RICTOR: variants seen among roughly 807,000 people sequenced by gnomAD.
RICTOR encodes the protein rapamycin-insensitive companion of mTOR.
A neutral mutation model predicts 214.9 loss-of-function variants in RICTOR; 49 were observed. That is an observed-to-expected ratio of 0.23 (90% confidence interval 0.18 to 0.29). RICTOR has a LOEUF of 0.29. Among genes scored for constraint, RICTOR ranks in the 10% least tolerant of loss-of-function variants. The pLI is 1.00. For missense variants in RICTOR, 1,625 were observed against 2,047.0 expected (o/e 0.79, Z 3.98); for synonymous variants, 717 against 711.3 (o/e 1.01, Z -0.13).
chr5:38,965,546 A>G (rs931359189), intron 15 of RICTOR, among the ~76,000 whole-genome samples: 10 of 151,958 alleles, frequency 6.6e-5, no homozygotes, highest in African/African-American at 2.4e-4. Context: ...ATGTATAGAG[A>G]TTCCTTCATA....
chr5:38,960,405 G>A lies in RICTOR; in HGVS notation c.1844C>T (p.Ser615Phe). 1 of 1,613,422 alleles carries A rather than the reference G, an allele frequency of 6.2e-7. No individual in the cohort carries two copies. Among genetic ancestry groups the A allele is most frequent in the Non-Finnish European group, 8.5e-7 (1 of 1,179,644 alleles). ...AATATTCAGAATGCCCACCTCTTCAGATTCAAGAAGAAATTCTGTAAACTG... is the reference window on the plus strand; with the variant it reads ...AATATTCAGAATGCCCACCTCTTCAAATTCAAGAAGAAATTCTGTAAACTG... ...GCQFTEFLLE[S>F]EEDGQGYLED... Residue 615 changes from serine (S) to phenylalanine (F), a missense_variant, in exon 20 of 38, where the codon TCT becomes TTT. Ser to Phe is a radical substitution (Grantham distance 155). Coordinates refer to ENST00000357387, the MANE Select transcript of RICTOR (RefSeq NM_152756.5).
In RICTOR at chr5:38,945,489, A is replaced by C; in HGVS notation, c.4633+2T>G. On this transcript the variant is annotated splice_donor_variant, in intron 34 of 37. Transcript: ENST00000357387. LOFTEE classifies it high-confidence loss of function. ...TTCTGAAGGTGGGACGTGATCACTT[A>C]CCTGAATGACTACATATTGCACTCA... 6.3e-7 allele frequency: 1 copy of C among 1,596,852 alleles called. No homozygotes were observed. The highest frequency in any genetic ancestry group is 8.6e-7 in the Non-Finnish European group (1 of 1,164,860).
At chr5:39,060,973 T>G (rs1758501917) in intron 2 of RICTOR, among the ~76,000 whole-genome samples, 1 of 152,022 alleles carries the variant, frequency 6.6e-6, no homozygotes, top group African/African-American at 2.4e-5. Context: ...GGTGTATTAA[T>G]ACATATTCTC....
At chr5:39,010,262 G>C (rs544758823) in intron 3 of RICTOR, among the ~76,000 whole-genome samples, 1 of 152,188 alleles carries the variant, frequency 6.6e-6, no homozygotes, top group Non-Finnish European at 1.5e-5. Flanking sequence ...GAAGAAGGAT[G>C]TGTTTGATTC....
chr5:39,036,736 G>T (rs1240961555), intron 2 of RICTOR, among the ~76,000 whole-genome samples: 1 of 152,140 alleles, frequency 6.6e-6, no homozygotes, highest in Admixed American at 6.5e-5. Context: ...TTACATAATG[G>T]TAAAGGCATA....
chr5:38,986,121 G>A (rs1341453469), intron 7 of RICTOR, among the ~76,000 whole-genome samples: 1 of 152,150 alleles, frequency 6.6e-6, no homozygotes, highest in African/African-American at 2.4e-5. Context: ...TGTCGAGGAA[G>A]GGACCTGGTG....
At chr5:38,946,108 C>A (rs535391155) in intron 33 of RICTOR, among the ~76,000 whole-genome samples, 17 of 152,180 alleles carry the variant, frequency 1.1e-4, no homozygotes, top group African/African-American at 4.1e-4. Flanking sequence ...AAAACAAAGA[C>A]CGTGTATTTT....
rs112539371 is a variant in RICTOR, at chr5:38,944,619, T to C, written c.4790-50A>G. On this transcript the variant is annotated intron_variant, in intron 35 of 37. Transcript: ENST00000357387. ...AAATATTATCTATGTCACAATAAAATGATTAAAACTCATGAAATTTATTTT... is the reference window on the plus strand; with the variant it reads ...AAATATTATCTATGTCACAATAAAACGATTAAAACTCATGAAATTTATTTT... The C allele has an allele frequency of 9.0e-3, 12,967 of 1,445,504 alleles. 77 individuals are homozygous for C. The highest frequency in any genetic ancestry group is 0.017 in the Middle Eastern group (96 of 5,492). The allele number at this position is 1,445,504 out of a possible 1,614,324, so 89.5% of individuals were successfully genotyped here.
At chr5:39,009,817 A>G (rs1395398713) in intron 3 of RICTOR, among the ~76,000 whole-genome samples, 3 of 152,212 alleles carry the variant, frequency 2.0e-5, no homozygotes, top group Non-Finnish European at 4.4e-5. Context: ...TATCAAAGAA[A>G]TATTATACTT....
At chr5:38,943,607 G>A (rs1464018605) in intron 36 of RICTOR, among the ~76,000 whole-genome samples, 1 of 152,184 alleles carries the variant, frequency 6.6e-6, no homozygotes, top group Non-Finnish European at 1.5e-5. Context: ...GAGGTCAGGA[G>A]TTTGAGACCA....
intron 13 of RICTOR, 43 bp from the exon 14 acceptor site, chr5:38,967,270 G>A (rs1440736948): frequency 3.0e-5 from 48 of 1,595,444 alleles, no homozygotes; most frequent in Non-Finnish European, 4.1e-5. Context: ...AAGTTTCATA[G>A]ATTACACAGT....
chr5:38,984,515 C>T (rs1001952584), intron 7 of RICTOR, among the ~76,000 whole-genome samples: 1 of 152,024 alleles, frequency 6.6e-6, no homozygotes, highest in Non-Finnish European at 1.5e-5. Context: ...TTCTAGGCAT[C>T]CAGGCAGTCC....
intron 3 of RICTOR, among the ~76,000 whole-genome samples, chr5:39,014,104 T>A (rs576324458): frequency 1.3e-5 from 2 of 152,114 alleles, no homozygotes; most frequent in African/African-American, 4.8e-5. Flanking sequence ...CTATACCACA[T>A]AGCCTGGATA....
intron 5 of RICTOR, 91 bp from the exon 6 acceptor site, chr5:38,996,973 A>C (rs535157448): frequency 4.9e-6 from 4 of 818,186 alleles, no homozygotes; most frequent in Non-Finnish European, 8.5e-6. Context: ...CATTTTCACA[A>C]TGTCAATATG....
intron 11 of RICTOR, 77 bp from the exon 12 acceptor site, chr5:38,968,107 T>A: frequency 1.2e-6 from 1 of 818,958 alleles, no homozygotes; most frequent in Non-Finnish European, 2.1e-6. Flanking sequence ...ATTCACATTT[T>A]TTAAAATGAT....
intron 2 of RICTOR, among the ~76,000 whole-genome samples, chr5:39,054,149 T>C (rs962705287): frequency 2.6e-5 from 4 of 151,890 alleles, no homozygotes; most frequent in African/African-American, 9.7e-5. Context: ...ATCTAGATGC[T>C]AAAGAACAGA....
At chr5:38,947,482 T>A in intron 31 of RICTOR, 41 bp from the exon 32 acceptor site, 2 of 1,407,044 alleles carry the variant, frequency 1.4e-6, no homozygotes, top group Non-Finnish European at 2.0e-6. Context: ...AGTTTCTTGA[T>A]CTGTAATTTT....
chr5:39,059,195 G>A (rs968914320), intron 2 of RICTOR, among the ~76,000 whole-genome samples: 6 of 152,130 alleles, frequency 3.9e-5, no homozygotes, highest in Admixed American at 3.3e-4. Flanking sequence ...TAAGAAGGCA[G>A]ATACAACAGA....
At chr5:38,997,609 G>A (rs748413677) in intron 5 of RICTOR, among the ~76,000 whole-genome samples, 1 of 151,994 alleles carries the variant, frequency 6.6e-6, no homozygotes, top group South Asian at 2.1e-4. Flanking sequence ...CCATGTCAGA[G>A]ATGAGAGGTT....
Sources: allele counts gnomAD v4.1 joint callset (sites outside exome capture counted in the v4.1 genomes callset), GRCh38; gene constraint gnomAD v4.1.1; transcripts MANE v1.5; gene names NCBI Gene and HGNC (gene_info 2026-07-23, HGNC 2026-07-21).